Variants in SRP54 observed in about 807,000 individuals in gnomAD.
SRP54 encodes signal recognition particle 54.
SRP54 carries 10 observed loss-of-function variants against 64.8 expected under a neutral mutation model. The ratio of observed to expected loss-of-function variants is 0.15; its 90% CI spans 0.10 to 0.26. SRP54 has a LOEUF of 0.26. Among genes scored for constraint, SRP54 ranks in the 10% least tolerant of loss-of-function variants. SRP54 has a pLI of 1.00. For synonymous variants in SRP54, 193 were observed against 185.6 expected (o/e 1.04, Z -0.32); for missense variants, 325 against 613.7 (o/e 0.53, Z 4.97).
chr14:35,026,169 T>TCAGAG (rs1491438532), intron 14 of SRP54, among the ~76,000 whole-genome samples: 1 of 65,788 alleles, frequency 1.5e-5, no homozygotes, highest in Non-Finnish European at 3.5e-5. Context: ...ATCTATTCTG[T>TCAGAG]TGTTGTTTTT....
chr14:35,015,525 C>T (rs916234745), intron 11 of SRP54, among the ~76,000 whole-genome samples: 1 of 152,138 alleles, frequency 6.6e-6, no homozygotes. Flanking sequence ...TATAACATAC[C>T]TGTTTTTGTA....
At chr14:34,989,406 T>C (rs2138961779) in intron 1 of SRP54, among the ~76,000 whole-genome samples, 1 of 151,556 alleles carries the variant, frequency 6.6e-6, no homozygotes, top group East Asian at 1.9e-4. Context: ...GCTCGGGAGG[T>C]TGCAGTGAGC....
chr14:34,996,364 A>C (rs2044073597), intron 1 of SRP54, among the ~76,000 whole-genome samples: 2 of 152,190 alleles, frequency 1.3e-5, no homozygotes, highest in Middle Eastern at 3.2e-3. Context: ...TCAGTTATTC[A>C]TAAGTATTGT....
chr14:34,988,578 A>ATATATATATATATATAT (rs1555352767), intron 1 of SRP54, among the ~76,000 whole-genome samples: 3 of 47,104 alleles, frequency 6.4e-5, no homozygotes, highest in African/African-American at 2.0e-4. Context: ...AAAAAAAAAA[A>ATATATATATATATATAT]ATATATATAT....
intron 1 of SRP54, among the ~76,000 whole-genome samples, chr14:34,988,060 C>T (rs2043925192): frequency 6.6e-6 from 1 of 151,902 alleles, no homozygotes; most frequent in Non-Finnish European, 1.5e-5. Context: ...TTGGTTGTTA[C>T]CATGGTATGG....
At chr14:34,985,253 A>G (rs1194184446) in intron 1 of SRP54, among the ~76,000 whole-genome samples, 2 of 152,200 alleles carry the variant, frequency 1.3e-5, no homozygotes, top group Non-Finnish European at 2.9e-5. Context: ...ACATCTATGT[A>G]CACATCCTTC....
At position 35,007,266 on chromosome 14, in the gene SRP54, T is replaced by A. The variant is rs770515104; in HGVS notation, c.256-17T>A. ...ATGTTAACCTGATTTTATTTTTAATTTATTTTTGGTATTTAGCTTGTAGAC... is the reference window on the plus strand; with the variant it reads ...ATGTTAACCTGATTTTATTTTTAATATATTTTTGGTATTTAGCTTGTAGAC... On this transcript the variant is annotated splice_polypyrimidine_tract_variant and intron_variant, in intron 4 of 15. Coordinates refer to ENST00000216774, the MANE Select transcript of SRP54 (RefSeq NM_003136.4). 3 of 1,513,530 alleles carry A rather than the reference T, an allele frequency of 2.0e-6. No homozygotes were observed. The East Asian group carries it at 6.9e-5, about 35-fold the overall frequency. 93.8% of individuals were successfully genotyped at this position (1,513,530 alleles called of 1,614,324 possible).
intron 1 of SRP54, among the ~76,000 whole-genome samples, chr14:34,984,794 G>A (rs985138957): frequency 6.6e-6 from 1 of 152,084 alleles, no homozygotes; most frequent in African/African-American, 2.4e-5. Context: ...GAGCCACCAT[G>A]CCCTGCCTAA....
At chr14:35,007,897 G>T (rs925742413) in intron 5 of SRP54, among the ~76,000 whole-genome samples, 17 of 151,116 alleles carry the variant, frequency 1.1e-4, no homozygotes, top group African/African-American at 4.1e-4. Context: ...TAAGAGGAGA[G>T]GTCCTCATAG....
intron 11 of SRP54, among the ~76,000 whole-genome samples, chr14:35,018,340 G>T (rs2044476240): frequency 6.6e-6 from 1 of 152,080 alleles, no homozygotes; most frequent in South Asian, 2.1e-4. Flanking sequence ...CAATATATGG[G>T]AGTTCTTTGT....
chr14:34,998,374 C>T (rs1247227176), intron 2 of SRP54, among the ~76,000 whole-genome samples: 1 of 152,084 alleles, frequency 6.6e-6, no homozygotes, highest in Non-Finnish European at 1.5e-5. Context: ...CAGTGCCTTG[C>T]AATTCAACAA....
intron 1 of SRP54, among the ~76,000 whole-genome samples, chr14:34,995,941 T>G (rs2044065427): frequency 2.6e-5 from 4 of 152,042 alleles, no homozygotes; most frequent in Non-Finnish European, 1.5e-5. Context: ...GGCATGCACC[T>G]GTGGTCCCAG....
rs1384552218 is a variant in SRP54, at chr14:34,988,578, A to AAAAAAAAAT, written c.-34+5364_-34+5365insAAAAAAATA. ...TCCATCTCAAAAAAAAAAAAAAAAAAATATATATATATATATAACATATAT... is the reference window on the plus strand; with the variant it reads ...TCCATCTCAAAAAAAAAAAAAAAAAAAAAAAAAATATATATATATATATATAACATATAT... On this transcript the variant is annotated intron_variant, in intron 1 of 15. Coordinates refer to ENST00000216774, the MANE Select transcript of SRP54 (RefSeq NM_003136.4). Among the ~76,000 whole-genome samples the AAAAAAAAAT allele has an allele frequency of 2.1e-4, 10 of 47,102 alleles. 1 individual carries two copies. Among genetic ancestry groups the AAAAAAAAAT allele is most frequent in the East Asian group, 4.8e-4 (1 of 2,070 alleles). 30.9% of individuals were successfully genotyped at this position (47,102 alleles called of 152,430 possible).
intron 8 of SRP54, 30 bp from the exon 9 acceptor site, chr14:35,013,316 T>TA: frequency 2.5e-6 from 4 of 1,596,112 alleles, no homozygotes; most frequent in Non-Finnish European, 3.4e-6. Context: ...AAATCTTTTC[T>TA]AAAGTATCTT....
At chr14:34,989,772 T>C (rs762698153) in intron 1 of SRP54, among the ~76,000 whole-genome samples, 15 of 151,976 alleles carry the variant, frequency 9.9e-5, no homozygotes, top group Non-Finnish European at 1.8e-4. Context: ...CAGAGAGAGA[T>C]AGTTGGTATC....
intron 13 of SRP54, among the ~76,000 whole-genome samples, chr14:35,020,150 A>C (rs938823465): frequency 6.6e-6 from 1 of 152,144 alleles, no homozygotes; most frequent in African/African-American, 2.4e-5. Flanking sequence ...GTGTCATTGC[A>C]CTCCAGCCTG....
At chr14:34,988,623 T>C (rs1594976186) in intron 1 of SRP54, among the ~76,000 whole-genome samples, 3 of 119,060 alleles carry the variant, frequency 2.5e-5, no homozygotes, top group Middle Eastern at 4.5e-3. Context: ...GTATATATTT[T>C]ACTAAATACA....
At chr14:35,025,956 C>A (rs1181887203) in intron 14 of SRP54, among the ~76,000 whole-genome samples, 2 of 150,004 alleles carry the variant, frequency 1.3e-5, no homozygotes. Context: ...TTTGAGAGGC[C>A]AAGGCAGGAG....
At chr14:34,984,253 A>G (rs2138951684) in intron 1 of SRP54, among the ~76,000 whole-genome samples, 1 of 152,306 alleles carries the variant, frequency 6.6e-6, no homozygotes, top group Admixed American at 6.5e-5. Flanking sequence ...GATTACAGTA[A>G]GATAACCATA....
Sources: gnomAD v4.1 joint callset for allele counts (sites outside exome capture counted in the v4.1 genomes callset) on GRCh38, gnomAD v4.1.1 for gene constraint, MANE v1.5 for transcripts, NCBI Gene and HGNC (gene_info 2026-07-23, HGNC 2026-07-21) for gene names.